Variants in SALL1 observed in about 807,000 individuals in gnomAD.
The protein encoded by SALL1 is spalt like transcription factor 1, also known as sal-like protein 1.
In SALL1, 10 loss-of-function variants were observed where a neutral mutation model predicts 73.1. That is an observed-to-expected ratio of 0.14 (90% confidence interval 0.08 to 0.23). SALL1 has a LOEUF of 0.23. Ranked by LOEUF, SALL1 falls within the 10% of genes least tolerant of loss-of-function variation. The pLI, the probability that SALL1 is intolerant of heterozygous loss-of-function variation, is 1.00. For synonymous variants in SALL1, 688 were observed against 689.8 expected, an observed-to-expected ratio of 1.00 and a Z score of 0.04; for missense variants, 1,520 against 1,697.3, an observed-to-expected ratio of 0.90 and a Z score of 1.84.
intron 1 of SALL1, among the ~76,000 whole-genome samples, chr16:51,146,608 G>T (rs1180513587): frequency 6.6e-6 from 1 of 152,192 alleles, no homozygotes; most frequent in Non-Finnish European, 1.5e-5. Context: ...GTTAGGAAAA[G>T]ACGCCAAGCT....
Position 51,139,695 on chromosome 16 carries a change from A to G in SALL1, c.2527T>C (p.Ser843Pro). The part of the protein sequence containing the change: ...PEGSIPDTPK[S>P]ADASQDSLSS... ...AAGCTGTCTTGGGAGGCGTCTGCAG[A>G]CTTAGGTGTATCAGGGATGCTGCCC... Residue 843 changes from serine (S) to proline (P), a missense_variant, in exon 2 of 3, where the codon TCT becomes CCT. Physicochemically the swap from Ser to Pro is moderately conservative, Grantham distance 74 (BLOSUM62 -1). This residue lies in a region of SALL1 where 266 missense variants were observed against 275.1 expected (regional missense o/e 0.97). Coordinates refer to ENST00000251020, the MANE Select transcript of SALL1 (RefSeq NM_002968.3). 1 of 1,614,204 alleles carries G rather than the reference A, an allele frequency of 6.2e-7. No individual in the cohort carries two copies. Among genetic ancestry groups the G allele is most frequent in the Non-Finnish European group, 8.5e-7 (1 of 1,180,030 alleles).
upstream of SALL1, among the ~76,000 whole-genome samples, chr16:51,151,535 C>T (rs1457173475): frequency 6.6e-6 from 1 of 151,864 alleles, no homozygotes; most frequent in Non-Finnish European, 1.5e-5. Context: ...TGCTGCAGAC[C>T]CCTGTCTCTC....
chr16:51,147,960 G>GC (rs1693608973), intron 1 of SALL1, among the ~76,000 whole-genome samples: 1 of 152,112 alleles, frequency 6.6e-6, no homozygotes, highest in Non-Finnish European at 1.5e-5. Flanking sequence ...TCATCTTTCT[G>GC]CAAGTAATTC....
chr16:51,151,035 TGG>T (rs1488300144), intron 1 of SALL1, 129 bp downstream of exon 1: 14 of 491,618 alleles, frequency 2.8e-5, no homozygotes, highest in Non-Finnish European at 4.9e-5. Context: ...TTACGCCGAG[TGG>T]AAGAAGCAAT....
intron 1 of SALL1, among the ~76,000 whole-genome samples, chr16:51,144,523 A>C (rs1256892384): frequency 2.6e-5 from 4 of 152,184 alleles, no homozygotes; most frequent in Non-Finnish European, 4.4e-5. Flanking sequence ...GAAATCAGAA[A>C]ACTGACTTCA....
At chr16:51,146,987 A>G (rs1384685140) in intron 1 of SALL1, among the ~76,000 whole-genome samples, 1 of 152,220 alleles carries the variant, frequency 6.6e-6, no homozygotes, top group Non-Finnish European at 1.5e-5. Flanking sequence ...TAGTTCCTAC[A>G]CAGAGCTTGG....
rs754902005 is a variant in SALL1 at position 51,141,738 on chromosome 16, C to A, written c.484G>T (p.Gly162Cys). Residue 162 changes from glycine to cysteine, a missense_variant, in exon 2 of 3, where the codon GGC becomes TGC. Physicochemically the swap from Gly to Cys is radical, Grantham distance 159. Transcript: ENST00000251020. This position sits in a 1 kb window ranked among gnomAD's most constrained non-coding sequence, Gnocchi z 5.4. ...SSSSSSSSGG[G>C]GSSSTGTSAI... is the part of the protein sequence containing the mutation. Reference sequence around the variant, plus strand: ...GAGGTACCTGTGGAGGAGCTGCCGCCGCCGCCGCTGCTGCTGCTGCTGCTG... The same window carrying A: ...GAGGTACCTGTGGAGGAGCTGCCGCAGCCGCCGCTGCTGCTGCTGCTGCTG... 2 of 1,611,268 alleles carry A rather than the reference C, an allele frequency of 1.2e-6. No homozygotes were observed. Among genetic ancestry groups the A allele is most frequent in the Non-Finnish European group, 1.7e-6 (2 of 1,179,456 alleles).
intron 1 of SALL1, among the ~76,000 whole-genome samples, chr16:51,147,278 T>A (rs1437290078): frequency 6.6e-6 from 1 of 152,254 alleles, no homozygotes; most frequent in Non-Finnish European, 1.5e-5. Flanking sequence ...TAACTAGACT[T>A]TGCTCATTTA....
chr16:51,141,167 G>A lies in SALL1; in HGVS notation c.1055C>T (p.Ser352Phe), dbSNP rs544575771. ...NILAAAVTTP[S>F]SEKVASSAGA... ...AGCACTTGAAGCCACTTTTTCAGAGGACGGGGTGGTAACTGCCGCTGCCAA... is the reference window on the plus strand; with the variant it reads ...AGCACTTGAAGCCACTTTTTCAGAGAACGGGGTGGTAACTGCCGCTGCCAA... Residue 352 changes from serine (S) to phenylalanine (F), a missense_variant, in exon 2 of 3, where the codon TCC becomes TTC. Ser to Phe is a radical substitution (Grantham distance 155). This residue lies in a region of SALL1 where 540 missense variants were observed against 567.5 expected (regional missense o/e 0.95). Coordinates refer to ENST00000251020, the MANE Select transcript of SALL1 (RefSeq NM_002968.3). This position sits in a 1 kb window ranked among gnomAD's most constrained non-coding sequence, Gnocchi z 5.4. 36 of 1,614,240 alleles carry A rather than the reference G, an allele frequency of 2.2e-5. No homozygotes were observed. In the South Asian group the frequency reaches 2.7e-4, roughly 12 times the overall value.
At chr16:51,151,518 C>T (rs1270935633), upstream of SALL1, among the ~76,000 whole-genome samples, 2 of 151,846 alleles carry the variant, frequency 1.3e-5, no homozygotes, top group East Asian at 3.9e-4. Flanking sequence ...TCAATTAGTT[C>T]GTGATTTGCT....
chr16:51,137,752 G>A (rs549895135), intron 2 of SALL1, among the ~76,000 whole-genome samples, 200 bp from the exon 3 acceptor site: 2 of 152,258 alleles, frequency 1.3e-5, no homozygotes, highest in South Asian at 4.2e-4. Context: ...TAGTAATAAC[G>A]TGTTCACTCT....
chr16:51,142,644 A>G (rs1043632711), intron 1 of SALL1, among the ~76,000 whole-genome samples: 2 of 152,186 alleles, frequency 1.3e-5, no homozygotes, highest in Non-Finnish European at 2.9e-5. Flanking sequence ...AAAAAAATGC[A>G]TATCACCAAG....
At position 51,139,138 on chromosome 16, in the gene SALL1, T is replaced by C. The variant is rs377643763; in HGVS notation, c.3084A>G (p.Pro1028=). The change falls in exon 2 of 3, where the codon CCA becomes CCG. Residue 1028 remains proline (P), a synonymous_variant. Transcript: ENST00000251020. ...CACGATTGCAAACTGTGCAAATAAA[T>C]GGTCTCTCTTTGGTATGACTTCTAT... ...IHYRSHTKER[P]FICTVCNRGF... 192 of 1,614,136 alleles carry C rather than the reference T, an allele frequency of 1.2e-4. No homozygotes were observed. The highest frequency in any genetic ancestry group is 1.6e-4 in the Non-Finnish European group (187 of 1,180,050).
At chr16:51,142,651 C>T (rs1962462023) in intron 1 of SALL1, among the ~76,000 whole-genome samples, 1 of 152,114 alleles carries the variant, frequency 6.6e-6, no homozygotes, top group African/African-American at 2.4e-5. Flanking sequence ...TGCATATCAC[C>T]AAGCTGTAGA....
rs947965602 is a variant in SALL1, at chr16:51,140,426, T to G, written c.1796A>C (p.Glu599Ala). ...GSVKSDSGGP[E>A]SATRNLGGLP... ...CCCACCTAGGTTTCTTGTGGCTGAC[T>G]CAGGGCCCCCGGAGTCACTTTTGAC... Residue 599 changes from glutamate to alanine, a missense_variant, in exon 2 of 3, where the codon GAG becomes GCG. Glu to Ala is a moderately radical substitution (Grantham distance 107). Around this residue, in one of 7 missense-constraint regions of SALL1, gnomAD observed 276 missense variants for 259.1 expected, o/e 1.07. Coordinates refer to ENST00000251020, the MANE Select transcript of SALL1 (RefSeq NM_002968.3). This position sits in a 1 kb window ranked among gnomAD's most constrained non-coding sequence, Gnocchi z 5.7. 1 of 1,613,916 alleles carries G rather than the reference T, an allele frequency of 6.2e-7. No homozygotes were observed. Among genetic ancestry groups the G allele is most frequent in the Non-Finnish European group, 8.5e-7 (1 of 1,179,972 alleles).
intron 1 of SALL1, among the ~76,000 whole-genome samples, chr16:51,146,077 A>G (rs556408466): frequency 1.1e-4 from 16 of 151,816 alleles, no homozygotes; most frequent in Non-Finnish European, 1.9e-4. Flanking sequence ...TAGGATTCCA[A>G]AGAAATTTTA....
At position 51,136,290 on chromosome 16, in the gene SALL1, CA is replaced by C. The variant is rs1416991803; in HGVS notation, c.*821del. ...TACATTTTCTCCACTGAAGGTTGTT[CA>C]AGATGCTATACTTAGCAGCATTGTG... On this transcript the variant is annotated 3_prime_UTR_variant, in exon 3 of 3. Coordinates refer to ENST00000251020, the MANE Select transcript of SALL1 (RefSeq NM_002968.3). The C allele has an allele frequency of 6.6e-6, 1 of 152,626 alleles. No individual in the cohort carries two copies. Among genetic ancestry groups the C allele is most frequent in the African/African-American group, 2.4e-5 (1 of 41,464 alleles). The allele number at this position is 152,626 out of a possible 1,614,324, so 9.5% of individuals were successfully genotyped here. A position where few individuals can be genotyped will look rare whatever the true frequency, so the allele number is the denominator to read the frequency against.
At position 51,139,884 on chromosome 16, in the gene SALL1, C is replaced by T. The variant is rs748725958; in HGVS notation, c.2338G>A (p.Val780Ile). ...TGCATTCGGATGTGCTGCTGCAGGA[C>T]CACAGCGTTCGTGAACTTCTTCTGG... ...ICQKKFTNAVVLQQHIRMHMG... is the reference protein window; with the variant it reads ...ICQKKFTNAVILQQHIRMHMG... Residue 780 changes from valine to isoleucine, a missense_variant, in exon 2 of 3, where the codon GTC becomes ATC. Physicochemically the swap from Val to Ile is conservative, Grantham distance 29. Transcript: ENST00000251020. 3 of 1,614,190 alleles carry T rather than the reference C, an allele frequency of 1.9e-6. No homozygotes were observed. Among genetic ancestry groups the T allele is most frequent in the South Asian group, 2.2e-5 (2 of 91,080 alleles).
At position 51,141,821 on chromosome 16, in the gene SALL1, T is replaced by C; in HGVS notation, c.401A>G (p.Lys134Arg). The C allele has an allele frequency of 6.2e-7, 1 of 1,613,940 alleles. No individual in the cohort carries two copies. Among genetic ancestry groups the C allele is most frequent in the Non-Finnish European group, 8.5e-7 (1 of 1,180,004 alleles). ...SMEVEAPVAN[K>R]SGSGTSSGSH... ...GCCGCTGGAAGTGCCGCTGCCGCTT[T>C]TGTTAGCAACCGGGGCCTCCACCTC... Residue 134 changes from lysine to arginine, a missense_variant, in exon 2 of 3, where the codon AAA becomes AGA. By Grantham distance (26) the Lys-to-Arg change is conservative. Around this residue, in one of 7 missense-constraint regions of SALL1, gnomAD observed 540 missense variants for 567.5 expected, o/e 0.95. Transcript: ENST00000251020. This position sits in a 1 kb window ranked among gnomAD's most constrained non-coding sequence, Gnocchi z 5.4.
Sources: gnomAD v4.1 joint callset for allele counts (sites outside exome capture counted in the v4.1 genomes callset) on GRCh38, gnomAD v4.1.1 for gene constraint, gnomAD v4.1.1 regional missense constraint, Gnocchi (gnomAD v3.1) non-coding constraint, MANE v1.5 for transcripts, NCBI Gene and HGNC (gene_info 2026-07-23, HGNC 2026-07-21) for gene names.